The following PRICKLE2 variants were observed in gnomAD, a reference collection of about 807,000 sequenced individuals.
The protein encoded by PRICKLE2 is prickle planar cell polarity protein 2.
Under a neutral mutation model 81.4 loss-of-function variants are expected in PRICKLE2, and 21 were observed. The ratio of observed to expected loss-of-function variants is 0.26; its 90% CI spans 0.18 to 0.37. The LOEUF (loss-of-function observed/expected upper bound fraction) is 0.37, where lower values mean the gene tolerates loss of function less well. Among genes scored for constraint, PRICKLE2 ranks in the 10% least tolerant of loss-of-function variants. PRICKLE2 has a pLI of 1.00. For missense variants in PRICKLE2, 940 were observed against 1,109.0 expected (o/e 0.85, Z 2.16); for synonymous variants, 456 against 421.5 (o/e 1.08, Z -1.00).
Position 64,157,335 on chromosome 3 carries a change from C to T in PRICKLE2, c.427G>A (p.Ala143Thr), listed in dbSNP as rs372791530. ...TGGCCAGCGCGTGACGCAAACACAG[C>T]GATGTCTCCACCATTGATCTGGCCT... ...CGGQINGGDIAVFASRAGHGV... is the reference protein window; with the variant it reads ...CGGQINGGDITVFASRAGHGV... Residue 143 changes from alanine (A) to threonine (T), a missense_variant, in exon 5 of 8, where the codon GCT (alanine) becomes ACT (threonine). Transcript: ENST00000638394. 20 of 1,613,460 alleles carry T rather than the reference C, an allele frequency of 1.2e-5. No homozygotes were observed. The highest frequency in any genetic ancestry group is 3.3e-5 in the Admixed American group (2 of 60,012).
chr3:64,184,781 C>T (rs563626983), intron 2 of PRICKLE2, among the ~76,000 whole-genome samples: 1 of 152,314 alleles, frequency 6.6e-6, no homozygotes, highest in South Asian at 2.1e-4. Flanking sequence ...CTGTTCCAGG[C>T]CAGAAGAGCT....
intron 2 of PRICKLE2, among the ~76,000 whole-genome samples, chr3:64,247,657 T>C (rs775791893): frequency 6.6e-6 from 1 of 152,210 alleles, no homozygotes; most frequent in Non-Finnish European, 1.5e-5. Flanking sequence ...AAGATTGAAG[T>C]ACTGTAGATC....
At chr3:64,119,913 C>T (rs1002758821) in intron 7 of PRICKLE2, among the ~76,000 whole-genome samples, 3 of 152,086 alleles carry the variant, frequency 2.0e-5, no homozygotes, top group Admixed American at 1.3e-4. Flanking sequence ...GTGGCAGCAT[C>T]GATACAGCTG....
chr3:64,258,881 G>GAAAT (rs1559608481), intron 2 of PRICKLE2, among the ~76,000 whole-genome samples: 7 of 144,836 alleles, frequency 4.8e-5, no homozygotes, highest in African/African-American at 1.0e-4. Context: ...AAGAAAGAAA[G>GAAAT]AAAGAAAGAA....
Position 64,093,182 on chromosome 3 carries a change from G to A in PRICKLE2, c.*5869C>T, listed in dbSNP as rs2076527217. ...AATGTCCTCAAGGTTCATCCATGTTGTAGCATGTGTCAGAATTTCCTTCCG... is the reference window on the plus strand; with the variant it reads ...AATGTCCTCAAGGTTCATCCATGTTATAGCATGTGTCAGAATTTCCTTCCG... On this transcript the variant is annotated 3_prime_UTR_variant, in exon 8 of 8. Coordinates refer to ENST00000638394, the MANE Select transcript of PRICKLE2 (RefSeq NM_198859.4). 5.8e-6 allele frequency: 1 copy of A among 173,084 alleles called. No homozygotes were observed. The highest frequency in any genetic ancestry group is 2.4e-5 in the African/African-American group (1 of 42,024). 10.7% of individuals were successfully genotyped at this position (173,084 alleles called of 1,614,324 possible).
intron 7 of PRICKLE2, among the ~76,000 whole-genome samples, chr3:64,125,572 C>T (rs1476699949): frequency 6.6e-6 from 1 of 152,200 alleles, no homozygotes; most frequent in East Asian, 1.9e-4. Flanking sequence ...ATGGAGGCAA[C>T]ACTCTCCACC....
At chr3:64,144,595 A>T (rs2077415104) in intron 7 of PRICKLE2, among the ~76,000 whole-genome samples, 1 of 152,226 alleles carries the variant, frequency 6.6e-6, no homozygotes, top group Non-Finnish European at 1.5e-5. Context: ...TAAGGGGCAG[A>T]CGTATATCTC....
chr3:64,199,419 C>T lies in PRICKLE2; in HGVS notation c.-40-452G>A, dbSNP rs564059494. 178 of 168,554 alleles carry T rather than the reference C, an allele frequency of 1.1e-3. 1 individual carries two copies. Among genetic ancestry groups the T allele is most frequent in the Admixed American group, 1.6e-3 (28 of 17,576 alleles). The allele number at this position is 168,554 out of a possible 1,614,324, so 10.4% of individuals were successfully genotyped here. On this transcript the variant is annotated intron_variant, in intron 1 of 7. Coordinates refer to ENST00000638394, the MANE Select transcript of PRICKLE2 (RefSeq NM_198859.4). ...CAACATACTGCTTTTATAAAAGGTT[C>T]CTAAGCCCTGGAAAATGGAGAAAAT...
intron 2 of PRICKLE2, among the ~76,000 whole-genome samples, chr3:64,166,988 G>C (rs1475615322): frequency 1.3e-5 from 2 of 152,210 alleles, no homozygotes; most frequent in African/African-American, 4.8e-5. Flanking sequence ...GAATTCTTTG[G>C]CTGGATACAG....
chr3:64,145,666 T>C (rs944380225), intron 7 of PRICKLE2: 11 of 151,902 alleles, frequency 7.2e-5, no homozygotes, highest in Non-Finnish European at 1.3e-4. Flanking sequence ...TCTTATGTCT[T>C]TATCTGCACT....
Position 64,149,721 on chromosome 3 carries a change from G to A in PRICKLE2, c.788-2019C>T, listed in dbSNP as rs369449822. 7.9e-4 allele frequency among the ~76,000 whole-genome samples: 121 copies of A among 152,282 alleles called. 3 individuals are homozygous for A. The East Asian group carries it at 0.016, about 21-fold the overall frequency. On this transcript the variant is annotated intron_variant, in intron 6 of 7. Transcript: ENST00000638394. The stretch of plus-strand genomic sequence containing the variant: ...AAGAAGAGAATTGCAAGAACAAAAG[G>A]CCACCGGCCCAAGCAGCCTACCTTT...
chr3:64,099,368 A>G lies in PRICKLE2; in HGVS notation c.2218T>C (p.Ser740Pro), dbSNP rs934469047. ...CACTGGCCGTACAGGTCCCTCCGGG[A>G]CCCATGCCCCATGCTCTCCTGGAAG... is the stretch of plus-strand genomic sequence containing the variant. ...RSFQESMGHG[S>P]RRDLYGQCPR... Residue 740 changes from serine (S) to proline (P), a missense_variant, in exon 8 of 8, where the codon TCC becomes CCC. Physicochemically the swap from Ser to Pro is moderately conservative, Grantham distance 74. Transcript: ENST00000638394. This position sits in a 1 kb window ranked among gnomAD's most constrained non-coding sequence, Gnocchi z 4.3. 4.3e-6 allele frequency: 7 copies of G among 1,609,764 alleles called. No homozygotes were observed. In the African/African-American group the frequency reaches 5.4e-5, roughly 12 times the overall value.
intron 7 of PRICKLE2, among the ~76,000 whole-genome samples, chr3:64,143,150 A>C (rs2077390120): frequency 6.6e-6 from 1 of 152,202 alleles, no homozygotes; most frequent in African/African-American, 2.4e-5. Flanking sequence ...AGGCTATTGA[A>C]ATTTAAAAGA....
At chr3:64,131,845 G>C (rs1021345656) in intron 7 of PRICKLE2, among the ~76,000 whole-genome samples, 3 of 151,824 alleles carry the variant, frequency 2.0e-5, no homozygotes, top group African/African-American at 7.3e-5. Flanking sequence ...TAAATCATCT[G>C]ACTTTTTCTA....
intron 7 of PRICKLE2, among the ~76,000 whole-genome samples, chr3:64,110,806 G>C (rs1244241226): frequency 6.6e-6 from 1 of 151,986 alleles, no homozygotes; most frequent in African/African-American, 2.4e-5. Context: ...AAGGTGAAAA[G>C]GAGCCACACG....
intron 1 of PRICKLE2, among the ~76,000 whole-genome samples, chr3:64,216,564 A>C (rs2078874542): frequency 6.6e-6 from 1 of 152,248 alleles, no homozygotes; most frequent in Non-Finnish European, 1.5e-5. Context: ...GTTACCATTT[A>C]GGATGCTGCA....
Position 64,147,840 on chromosome 3 carries a change from C to T in PRICKLE2, c.788-138G>A. 1 of 899,958 alleles carries T rather than the reference C, an allele frequency of 1.1e-6. No homozygotes were observed. The highest frequency in any genetic ancestry group is 2.0e-5 in the Admixed American group (1 of 50,528). 55.7% of individuals were successfully genotyped at this position (899,958 alleles called of 1,614,324 possible). A position where few individuals can be genotyped will look rare whatever the true frequency, so the allele number is the denominator to read the frequency against. ...ACTGTCAATAAATCAACAATCAGAC[C>T]CTTATGTAAATGGTATTCACGTCCT... On this transcript the variant is annotated intron_variant, in intron 6 of 7. Coordinates refer to ENST00000638394, the MANE Select transcript of PRICKLE2 (RefSeq NM_198859.4). This position sits in a 1 kb window ranked among gnomAD's most constrained non-coding sequence, Gnocchi z 5.0.
chr3:64,202,830 A>G (rs2078612297), intron 1 of PRICKLE2, among the ~76,000 whole-genome samples: 1 of 152,136 alleles, frequency 6.6e-6, no homozygotes, highest in African/African-American at 2.4e-5. Context: ...AAGGGTGGAC[A>G]TCTTTGTTGT....
intron 2 of PRICKLE2, among the ~76,000 whole-genome samples, chr3:64,186,157 A>G (rs2078228161): frequency 6.6e-6 from 1 of 152,234 alleles, no homozygotes; most frequent in Non-Finnish European, 1.5e-5. Context: ...ATATAATACA[A>G]TATGTTTATC....
Sources: gnomAD v4.1 joint callset for allele counts (sites outside exome capture counted in the v4.1 genomes callset) on GRCh38, gnomAD v4.1.1 for gene constraint, Gnocchi (gnomAD v3.1) non-coding constraint, MANE v1.5 for transcripts, NCBI Gene and HGNC (gene_info 2026-07-23, HGNC 2026-07-21) for gene names.